Variants in PIGN observed in about 807,000 individuals in gnomAD.
PIGN encodes phosphatidylinositol glycan anchor biosynthesis class N, also known as GPI ethanolamine phosphate transferase 1.
In PIGN, 117 loss-of-function variants were observed where a neutral mutation model predicts 125.4. That is an observed-to-expected ratio of 0.93 (90% CI 0.80 to 1.09). The LOEUF (loss-of-function observed/expected upper bound fraction) is 1.09. PIGN is among the 50% of genes least tolerant of loss of function. PIGN has a pLI of 0.00. For missense variants in PIGN, 1,075 were observed against 1,094.9 expected, an observed-to-expected ratio of 0.98 and a Z score of 0.26; for synonymous variants, 392 against 377.8, an observed-to-expected ratio of 1.04 and a Z score of -0.44.
At chr18:62,032,472 G>A (rs561533056) in intron 23 of PIGN, among the ~76,000 whole-genome samples, 6 of 152,294 alleles carry the variant, frequency 3.9e-5, no homozygotes, top group Admixed American at 1.3e-4. Context: ...CTGCACACAC[G>A]TAGTCAACTT....
chr18:62,018,567 C>T (rs2030010708), intron 23 of PIGN, among the ~76,000 whole-genome samples: 1 of 152,162 alleles, frequency 6.6e-6, no homozygotes, highest in Admixed American at 6.5e-5. Flanking sequence ...TTTTGGTGGC[C>T]TGTTACATAC....
chr18:62,144,529 G>A (rs935198959), intron 10 of PIGN, among the ~76,000 whole-genome samples: 6 of 152,096 alleles, frequency 3.9e-5, no homozygotes, highest in African/African-American at 7.2e-5. Context: ...AACAAGCTAC[G>A]CTCTTTCTAT....
Position 62,171,062 on chromosome 18 carries a change from TGGA to T in PIGN, c.-235-7409_-235-7407del, listed in dbSNP as rs776643290. ...AAGCATGATGACATTCTGTTTGGAA[TGGA>T]GTTAAATCCACAGACCAACTGGGGA... On this transcript the variant is annotated intron_variant, in intron 1 of 30. Coordinates refer to ENST00000640252, the MANE Select transcript of PIGN (RefSeq NM_176787.5). 1.1e-4 allele frequency among the ~76,000 whole-genome samples: 17 copies of T among 152,304 alleles called. No homozygotes were observed. The South Asian group carries it at 1.9e-3, about 17-fold the overall frequency.
chr18:62,126,462 C>A (rs17715425), intron 14 of PIGN, among the ~76,000 whole-genome samples: 11,359 of 152,104 alleles, frequency 0.075, 529 homozygotes, highest in South Asian at 0.17. Flanking sequence ...AAACTATGAT[C>A]AAGGAACATA....
intron 29 of PIGN, among the ~76,000 whole-genome samples, chr18:62,073,701 A>T (rs1188400091): frequency 6.6e-6 from 1 of 152,210 alleles, no homozygotes; most frequent in East Asian, 1.9e-4. Context: ...CTCTCATCTA[A>T]ACCGAGTGAC....
intron 23 of PIGN, among the ~76,000 whole-genome samples, chr18:62,023,161 T>C (rs2030074243): frequency 6.6e-6 from 1 of 152,118 alleles, no homozygotes; most frequent in South Asian, 2.1e-4. Flanking sequence ...TGTGCAACCA[T>C]CACCATGATG....
intron 14 of PIGN, among the ~76,000 whole-genome samples, chr18:62,135,330 G>A (rs968689273): frequency 7.9e-5 from 12 of 152,016 alleles, no homozygotes; most frequent in African/African-American, 2.9e-4. Flanking sequence ...CATATTGCAG[G>A]CTTTTAGCAA....
chr18:62,150,789 T>C (rs924023585), intron 7 of PIGN, among the ~76,000 whole-genome samples: 17 of 152,106 alleles, frequency 1.1e-4, no homozygotes, highest in Non-Finnish European at 2.2e-4. Context: ...AACCTCCACC[T>C]CCCGGGTTCA....
chr18:62,158,975 G>A (rs2036840138), intron 4 of PIGN, among the ~76,000 whole-genome samples: 1 of 152,230 alleles, frequency 6.6e-6, no homozygotes, highest in Non-Finnish European at 1.5e-5. Context: ...TTTTGGGCCA[G>A]ATGCGGTGGC....
At chr18:62,019,363 G>C (rs899514365) in intron 23 of PIGN, among the ~76,000 whole-genome samples, 1 of 152,040 alleles carries the variant, frequency 6.6e-6, no homozygotes, top group Non-Finnish European at 1.5e-5. Context: ...AAGACATTTC[G>C]TTAGTTACAT....
chr18:62,029,575 G>A (rs966603260), intron 23 of PIGN, among the ~76,000 whole-genome samples: 2 of 152,208 alleles, frequency 1.3e-5, no homozygotes, highest in South Asian at 4.1e-4. Flanking sequence ...AGGGAAGAGG[G>A]TATTTAGTAC....
At chr18:62,140,528 G>C in intron 11 of PIGN, 49 bp from the exon 12 acceptor site, 1 of 903,952 alleles carries the variant, frequency 1.1e-6, no homozygotes, top group Non-Finnish European at 1.7e-6. Context: ...CATCAACAAA[G>C]AAATTAAATA....
intron 14 of PIGN, among the ~76,000 whole-genome samples, chr18:62,122,007 G>A (rs1216234111): frequency 6.6e-6 from 1 of 152,142 alleles, no homozygotes; most frequent in Non-Finnish European, 1.5e-5. Flanking sequence ...ACAGGGAGTA[G>A]AGAGTAGACT....
At position 62,149,186 on chromosome 18, in the gene PIGN, T is replaced by C. The variant is rs1460922414; in HGVS notation, c.550-848A>G. Among the ~76,000 whole-genome samples the C allele has an allele frequency of 1.3e-5, 2 of 152,122 alleles. 1 individual carries two copies. Among genetic ancestry groups the C allele is most frequent in the South Asian group, 4.1e-4 (2 of 4,824 alleles). On this transcript the variant is annotated intron_variant, in intron 7 of 30. Coordinates refer to ENST00000640252, the MANE Select transcript of PIGN (RefSeq NM_176787.5). Reference sequence around the variant, plus strand: ...TCAACAAAAGTCTGAAGTATTTAAGTATTTTTTTCAAATAACTCTTCACTA... The same window carrying C: ...TCAACAAAAGTCTGAAGTATTTAAGCATTTTTTTCAAATAACTCTTCACTA...
intron 14 of PIGN, among the ~76,000 whole-genome samples, chr18:62,117,710 T>C (rs1056611372): frequency 1.3e-5 from 2 of 152,144 alleles, no homozygotes; most frequent in Non-Finnish European, 2.9e-5. Context: ...ATATATCATG[T>C]ATACATATGT....
chr18:62,147,249 G>A (rs984866321), intron 8 of PIGN, 148 bp from the exon 9 acceptor site: 2 of 1,020,916 alleles, frequency 2.0e-6, no homozygotes, highest in African/African-American at 1.9e-5. Flanking sequence ...ACTCTAGATT[G>A]TTAAAATAAT....
At chr18:62,096,076 C>T (rs2034173919) in intron 22 of PIGN, 126 bp from the exon 23 acceptor site, 1 of 519,038 alleles carries the variant, frequency 1.9e-6, no homozygotes, top group Admixed American at 3.1e-5. Context: ...GGGCAGATCA[C>T]CTGAGGTCAG....
chr18:62,121,075 T>C (rs1369703027), intron 14 of PIGN, among the ~76,000 whole-genome samples: 1 of 152,204 alleles, frequency 6.6e-6, no homozygotes, highest in Non-Finnish European at 1.5e-5. Flanking sequence ...AGGCATTGAC[T>C]TTAAGGCAAA....
intron 14 of PIGN, among the ~76,000 whole-genome samples, chr18:62,124,347 T>C (rs1298081538): frequency 6.6e-6 from 1 of 152,156 alleles, no homozygotes; most frequent in Non-Finnish European, 1.5e-5. Context: ...TGGTATTCCC[T>C]TTAAAAACAT....
Sources: gnomAD v4.1 joint callset for allele counts (sites outside exome capture counted in the v4.1 genomes callset) on GRCh38, gnomAD v4.1.1 for gene constraint, MANE v1.5 for transcripts, NCBI Gene and HGNC (gene_info 2026-07-23, HGNC 2026-07-21) for gene names.